RBFOX1: variants seen among roughly 807,000 people sequenced by gnomAD.
RBFOX1 encodes RNA binding protein fox-1 homolog 1.
Under a neutral mutation model 57.7 loss-of-function variants are expected in RBFOX1, and 8 were observed. The observed-to-expected ratio is 0.14, with a 90% CI of 0.08 to 0.25. The LOEUF (loss-of-function observed/expected upper bound fraction) is 0.25. Ranked by LOEUF, RBFOX1 falls within the 10% of genes least tolerant of loss-of-function variation. The probability of loss-of-function intolerance (pLI) is 1.00; values close to 1 mark genes in which losing one functional copy is unlikely to be tolerated. For missense variants in RBFOX1, 611 were observed against 548.5 expected (o/e 1.11, Z -1.14); for synonymous variants, 326 against 222.4 (o/e 1.47, Z -4.15).
chr16:7,185,457 A>C (rs1226903553), intron 4 of RBFOX1, among the ~76,000 whole-genome samples: 1 of 152,188 alleles, frequency 6.6e-6, no homozygotes, highest in Admixed American at 6.5e-5. Context: ...GTAAGACTAG[A>C]TTAGAGCTAT....
chr16:6,089,380 T>G (rs1309642269), intron 1 of RBFOX1, among the ~76,000 whole-genome samples: 1 of 152,016 alleles, frequency 6.6e-6, no homozygotes, highest in Non-Finnish European at 1.5e-5. Flanking sequence ...CCCAGAGCCA[T>G]AAGAGATTCA....
intron 4 of RBFOX1, among the ~76,000 whole-genome samples, chr16:7,198,789 C>G (rs1455552611): frequency 6.6e-6 from 1 of 152,182 alleles, no homozygotes; most frequent in Non-Finnish European, 1.5e-5. Context: ...CCTCACCTCC[C>G]AACACTGTTG....
At chr16:6,687,861 A>C (rs1342163649) in intron 3 of RBFOX1, among the ~76,000 whole-genome samples, 1 of 152,206 alleles carries the variant, frequency 6.6e-6, no homozygotes, top group Non-Finnish European at 1.5e-5. Context: ...ATGTGTGCTC[A>C]GGAAGCACAA....
chr16:7,478,949 G>A (rs1473117630), intron 4 of RBFOX1, among the ~76,000 whole-genome samples: 1 of 151,916 alleles, frequency 6.6e-6, no homozygotes, highest in African/African-American at 2.4e-5. Context: ...TTGTTCCCGT[G>A]CGGACCGAAC....
chr16:5,543,867 A>G (rs1235528633), intron 2 of RBFOX1, among the ~76,000 whole-genome samples: 1 of 152,230 alleles, frequency 6.6e-6, no homozygotes, highest in African/African-American at 2.4e-5. Context: ...TCAAGTGTAA[A>G]GATAGGGAGT....
intron 1 of RBFOX1, among the ~76,000 whole-genome samples, chr16:6,102,945 T>A (rs955374500): frequency 6.6e-6 from 1 of 152,292 alleles, no homozygotes; most frequent in South Asian, 2.1e-4. Flanking sequence ...GCAGGCTTCT[T>A]AGAGTGTTCA....
intron 4 of RBFOX1, among the ~76,000 whole-genome samples, chr16:7,118,822 C>T (rs896147092): frequency 6.6e-6 from 1 of 152,084 alleles, no homozygotes; most frequent in Non-Finnish European, 1.5e-5. Flanking sequence ...TGAAGAATTA[C>T]CAGGGCACCG....
rs918310129 is a variant in RBFOX1 at position 5,947,223 on chromosome 16, A to G, written c.351+79888A>G. ...AGAGTGAGACTCTGTCTCTAAAACAAAACAAACCAGAAGAAAGGCTACTAA... is the reference window on the plus strand; with the variant it reads ...AGAGTGAGACTCTGTCTCTAAAACAGAACAAACCAGAAGAAAGGCTACTAA... On this transcript the variant is annotated intron_variant, in intron 4 of 19. Coordinates refer to the RBFOX1 transcript ENST00000641259. This position sits in a 1 kb window ranked among gnomAD's most constrained non-coding sequence, Gnocchi z 7.2. Among the ~76,000 whole-genome samples, 1 of 152,124 alleles carries G rather than the reference A, an allele frequency of 6.6e-6. No homozygotes were observed. The highest frequency in any genetic ancestry group is 2.4e-5 in the African/African-American group (1 of 41,422).
chr16:6,896,911 T>A lies in RBFOX1; in HGVS notation c.-15-155146T>A, dbSNP rs1055783759. On this transcript the variant is annotated intron_variant, in intron 3 of 15. Transcript: ENST00000550418. The stretch of plus-strand genomic sequence containing the variant: ...ATTTAGGTGACATTTTTAAAAAAAA[T>A]GCATTTGGTGAAAGAAAGCAAAGAA... 4.6e-5 allele frequency among the ~76,000 whole-genome samples: 7 copies of A among 152,208 alleles called. No individual in the cohort carries two copies. The East Asian group carries it at 1.2e-3, about 25-fold the overall frequency.
intron 2 of RBFOX1, among the ~76,000 whole-genome samples, chr16:6,359,957 T>C (rs969877542): frequency 2.0e-5 from 3 of 152,200 alleles, no homozygotes; most frequent in Admixed American, 1.3e-4. Flanking sequence ...CTCCGTGATT[T>C]CAAAAACACC....
chr16:6,727,468 A>G (rs753151743), intron 3 of RBFOX1, among the ~76,000 whole-genome samples: 1 of 151,686 alleles, frequency 6.6e-6, no homozygotes, highest in Non-Finnish European at 1.5e-5. Context: ...CCTACACCAG[A>G]TGAAGCACAG....
intron 14 of RBFOX1, among the ~76,000 whole-genome samples, chr16:7,705,275 G>C (rs893719251): frequency 6.6e-6 from 1 of 152,110 alleles, no homozygotes; most frequent in South Asian, 2.1e-4. Flanking sequence ...GGGAGGCCGA[G>C]GCAGGAGGAT....
At chr16:6,944,347 A>G (rs1295492170) in intron 3 of RBFOX1, among the ~76,000 whole-genome samples, 3 of 149,538 alleles carry the variant, frequency 2.0e-5, no homozygotes, top group Non-Finnish European at 3.0e-5. Context: ...GTGTGCCAAG[A>G]TTGCGCCGTT....
chr16:7,568,010 A>G (rs2092307746), intron 5 of RBFOX1, among the ~76,000 whole-genome samples: 1 of 151,972 alleles, frequency 6.6e-6, no homozygotes, highest in Non-Finnish European at 1.5e-5. Flanking sequence ...TTAAAAATAG[A>G]TGTATTTGAA....
At chr16:6,506,809 G>A (rs940098813) in intron 2 of RBFOX1, among the ~76,000 whole-genome samples, 3 of 152,038 alleles carry the variant, frequency 2.0e-5, no homozygotes, top group East Asian at 3.9e-4. Context: ...ACCATGCCTG[G>A]CTATTTTCTG....
intron 3 of RBFOX1, among the ~76,000 whole-genome samples, chr16:6,718,053 A>C (rs1308091513): frequency 6.6e-6 from 1 of 152,164 alleles, no homozygotes; most frequent in Non-Finnish European, 1.5e-5. Flanking sequence ...CCAAATAAAC[A>C]GGTGCATTTC....
chr16:6,806,227 T>C (rs372178592), intron 3 of RBFOX1, among the ~76,000 whole-genome samples: 1 of 152,216 alleles, frequency 6.6e-6, no homozygotes, highest in East Asian at 1.9e-4. Flanking sequence ...TGTTGTTCTA[T>C]AGCCAGTATT....
At chr16:5,773,817 C>A (rs1253328615) in intron 3 of RBFOX1, among the ~76,000 whole-genome samples, 1 of 152,164 alleles carries the variant, frequency 6.6e-6, no homozygotes, top group Non-Finnish European at 1.5e-5. Context: ...ACTGCCTCAA[C>A]CTCCTGAGTA....
chr16:6,742,534 C>G (rs909455367), intron 3 of RBFOX1, among the ~76,000 whole-genome samples: 28 of 152,092 alleles, frequency 1.8e-4, no homozygotes, highest in Non-Finnish European at 3.4e-4. Context: ...AAGCTATACA[C>G]AATTATTGTC....
Sources: gnomAD v4.1 joint callset for allele counts (sites outside exome capture counted in the v4.1 genomes callset) on GRCh38, gnomAD v4.1.1 for gene constraint, Gnocchi (gnomAD v3.1) non-coding constraint, MANE v1.5 for transcripts, NCBI Gene and HGNC (gene_info 2026-07-23, HGNC 2026-07-21) for gene names.